The following ZFHX3 variants were observed in gnomAD, a reference collection of about 807,000 sequenced individuals.
ZFHX3 encodes zinc finger homeobox 3.
In ZFHX3, 42 loss-of-function variants were observed where a neutral mutation model predicts 279.1. The ratio of observed to expected loss-of-function variants is 0.15; its 90% CI spans 0.12 to 0.19. ZFHX3 has a LOEUF of 0.19. ZFHX3 is among the 10% of genes least tolerant of loss of function. ZFHX3 has a pLI of 1.00. For synonymous variants in ZFHX3, 2,293 were observed against 1,957.8 expected (o/e 1.17, Z -4.52); for missense variants, 4,981 against 4,754.0 (o/e 1.05, Z -1.40).
intron 1 of ZFHX3, among the ~76,000 whole-genome samples, chr16:73,776,845 A>T (rs535032977): frequency 7.9e-5 from 12 of 152,274 alleles, no homozygotes; most frequent in South Asian, 4.2e-4. Flanking sequence ...GCACTTCTTA[A>T]GGTGTGCCAG....
chr16:73,879,389 C>A (rs988299047), intron 1 of ZFHX3, among the ~76,000 whole-genome samples: 4 of 151,888 alleles, frequency 2.6e-5, no homozygotes, highest in African/African-American at 4.8e-5. Flanking sequence ...TCTAAGGTCC[C>A]TTTTAAGAAT....
At chr16:73,813,880 TC>T (rs374411210) in intron 1 of ZFHX3, 5 of 152,380 alleles carry the variant, frequency 3.3e-5, no homozygotes, top group East Asian at 3.9e-4. Context: ...CCCTTGTTTG[TC>T]TGGAGCTTTG....
intron 2 of ZFHX3, among the ~76,000 whole-genome samples, chr16:73,623,186 G>A (rs978895810): frequency 1.3e-5 from 2 of 151,960 alleles, no homozygotes; most frequent in African/African-American, 4.8e-5. Context: ...ACAGGCGCCC[G>A]CCACCGCACC....
intron 2 of ZFHX3, among the ~76,000 whole-genome samples, chr16:73,537,712 C>T (rs562457014): frequency 4.6e-5 from 7 of 152,298 alleles, no homozygotes; most frequent in South Asian, 2.1e-4. Flanking sequence ...GTCCAAGTCC[C>T]TCTCCACACC....
At chr16:73,671,025 A>C (rs537829792) in intron 2 of ZFHX3, among the ~76,000 whole-genome samples, 72 of 152,294 alleles carry the variant, frequency 4.7e-4, no homozygotes, top group Non-Finnish European at 9.3e-4. Flanking sequence ...CTCCAGGAGG[A>C]TGTTCTTTTT....
At chr16:73,291,803 T>C (rs900576937) in intron 4 of ZFHX3, among the ~76,000 whole-genome samples, 7 of 152,194 alleles carry the variant, frequency 4.6e-5, no homozygotes, top group Admixed American at 4.6e-4. Flanking sequence ...ACATGAGAGA[T>C]CTATATAAAC....
chr16:73,532,934 C>A (rs2019833158), intron 2 of ZFHX3, among the ~76,000 whole-genome samples: 1 of 152,198 alleles, frequency 6.6e-6, no homozygotes, highest in Non-Finnish European at 1.5e-5. Context: ...GGGGGGCCTT[C>A]TGCCATGATT....
chr16:73,736,758 A>T (rs2053613200), intron 1 of ZFHX3, among the ~76,000 whole-genome samples: 1 of 152,174 alleles, frequency 6.6e-6, no homozygotes, highest in Admixed American at 6.5e-5. Context: ...CAGCCACTCC[A>T]TTCATTTAGG....
intron 4 of ZFHX3, among the ~76,000 whole-genome samples, chr16:72,861,587 A>G (rs542883401): frequency 6.6e-6 from 1 of 152,330 alleles, no homozygotes; most frequent in South Asian, 2.1e-4. Flanking sequence ...CTCCTGGAAA[A>G]CCAGAGTCCA....
chr16:73,441,263 G>A (rs568906878), intron 3 of ZFHX3, among the ~76,000 whole-genome samples: 57 of 152,230 alleles, frequency 3.7e-4, no homozygotes, highest in African/African-American at 1.3e-3. Flanking sequence ...GAGAGATGCT[G>A]TAAAAATAAA....
chr16:73,485,438 A>AAAAAAAAAG (rs2018957070), intron 2 of ZFHX3, among the ~76,000 whole-genome samples: 1 of 144,836 alleles, frequency 6.9e-6, no homozygotes, highest in Non-Finnish European at 1.5e-5. Context: ...AAAAAAAAAA[A>AAAAAAAAAG]AAAAAAAAAC....
intron 1 of ZFHX3, among the ~76,000 whole-genome samples, chr16:72,992,117 T>C (rs959488949): frequency 3.9e-5 from 6 of 152,180 alleles, no homozygotes; most frequent in Non-Finnish European, 8.8e-5. Flanking sequence ...TAGTCAACCA[T>C]TAAAAGTCCC....
chr16:73,202,916 T>C (rs2011661239), intron 5 of ZFHX3, among the ~76,000 whole-genome samples: 1 of 137,620 alleles, frequency 7.3e-6, no homozygotes, highest in African/African-American at 3.4e-5. Flanking sequence ...TCTTTTTTTT[T>C]TTTTTTTTTT....
At chr16:72,802,056 TTATC>T (rs1486884747) in intron 7 of ZFHX3, among the ~76,000 whole-genome samples, 1 of 151,846 alleles carries the variant, frequency 6.6e-6, no homozygotes, top group Non-Finnish European at 1.5e-5. Context: ...AAGAATAAAA[TTATC>T]TAACACCTCA....
intron 2 of ZFHX3, among the ~76,000 whole-genome samples, chr16:73,642,287 C>T (rs1021911271): frequency 2.6e-5 from 4 of 152,208 alleles, no homozygotes; most frequent in African/African-American, 9.6e-5. Flanking sequence ...CAGATGGAGC[C>T]TCTCCTCTGC....
chr16:72,862,654 A>G (rs376780050), intron 4 of ZFHX3, among the ~76,000 whole-genome samples: 2 of 152,216 alleles, frequency 1.3e-5, no homozygotes, highest in South Asian at 4.1e-4. Context: ...GAGAAAAAGT[A>G]AAACTGCTCC....
chr16:73,486,658 G>A (rs1323609938), intron 2 of ZFHX3: 2 of 390,780 alleles, frequency 5.1e-6, no homozygotes, highest in African/African-American at 4.2e-5. Flanking sequence ...ATAGTGCTGG[G>A]ATTAGAGGTG....
rs1316513948 is a variant in ZFHX3, at chr16:72,793,882, C to T, written c.8800G>A (p.Ala2934Thr). 2 of 1,614,120 alleles carry T rather than the reference C, an allele frequency of 1.2e-6. No homozygotes were observed. The highest frequency in any genetic ancestry group is 1.3e-5 in the African/African-American group (1 of 74,940). Residue 2934 changes from alanine (A) to threonine (T), a missense_variant, in exon 9 of 10, where the codon GCA becomes ACA. Coordinates refer to ENST00000268489, the MANE Select transcript of ZFHX3 (RefSeq NM_006885.4). The surrounding 1 kb of genome is among the most constrained non-coding windows in gnomAD (Gnocchi z 4.3). ...CSPSPGASGSAGKSGDSGDRP... is the reference protein window; with the variant it reads ...CSPSPGASGSTGKSGDSGDRP... ...TCTCCGCTGTCACCAGATTTGCCTGCAGATCCACTCGCACCAGGACTCGGG... is the reference window on the plus strand; with the variant it reads ...TCTCCGCTGTCACCAGATTTGCCTGTAGATCCACTCGCACCAGGACTCGGG...
chr16:73,441,361 C>T (rs1446570136), intron 3 of ZFHX3, among the ~76,000 whole-genome samples: 2 of 152,058 alleles, frequency 1.3e-5, no homozygotes, highest in African/African-American at 4.8e-5. Flanking sequence ...GTCTAAAAGA[C>T]CAGATCAACA....
Sources: gnomAD v4.1 joint callset for allele counts (sites outside exome capture counted in the v4.1 genomes callset) on GRCh38, gnomAD v4.1.1 for gene constraint, Gnocchi (gnomAD v3.1) non-coding constraint, MANE v1.5 for transcripts, NCBI Gene and HGNC (gene_info 2026-07-23, HGNC 2026-07-21) for gene names.